The following PACS1 variants were observed in gnomAD, a reference collection of about 807,000 sequenced individuals.
PACS1 encodes the protein PACS-1.
PACS1 carries 24 observed loss-of-function variants against 115.0 expected under a neutral mutation model. The observed-to-expected ratio is 0.21, with a 90% CI of 0.15 to 0.29. PACS1 has a LOEUF of 0.29. Ranked by LOEUF, PACS1 falls within the 10% of genes least tolerant of loss-of-function variation. The pLI, the probability that PACS1 is intolerant of heterozygous loss-of-function variation, is 1.00. For missense variants in PACS1, 838 were observed against 1,251.2 expected (o/e 0.67, Z 4.98); for synonymous variants, 453 against 504.5 (o/e 0.90, Z 1.37).
chr11:66,169,242 A>G (rs1221950986), intron 1 of PACS1, among the ~76,000 whole-genome samples: 1 of 150,756 alleles, frequency 6.6e-6, no homozygotes, highest in East Asian at 1.9e-4. Flanking sequence ...AGGACTTATC[A>G]TAAATGGATG....
At chr11:66,090,746 C>G (rs1750574044) in intron 1 of PACS1, among the ~76,000 whole-genome samples, 5 of 152,160 alleles carry the variant, frequency 3.3e-5, no homozygotes, top group African/African-American at 1.2e-4. Flanking sequence ...AAGATAGAAT[C>G]ACTAAAGAGT....
chr11:66,175,928 C>T (rs908855128), intron 1 of PACS1, among the ~76,000 whole-genome samples: 6 of 152,204 alleles, frequency 3.9e-5, no homozygotes, highest in Admixed American at 2.0e-4. Flanking sequence ...TCAGTGACCA[C>T]ATTCCAGGTT....
At chr11:66,231,070 T>G (rs1002859099) in intron 13 of PACS1, 130 bp downstream of exon 13, 19 of 1,191,828 alleles carry the variant, frequency 1.6e-5, no homozygotes, top group Non-Finnish European at 2.3e-5. Context: ...GAACAAAAAC[T>G]CTTGAAGAAA....
At chr11:66,190,482 A>G (rs1013622036) in intron 1 of PACS1, among the ~76,000 whole-genome samples, 2 of 151,940 alleles carry the variant, frequency 1.3e-5, no homozygotes, top group South Asian at 2.1e-4. Context: ...CTGGAGTGCA[A>G]TGGCGCAATC....
At chr11:66,205,231 C>T (rs183337868) in intron 2 of PACS1, among the ~76,000 whole-genome samples, 3,141 of 152,136 alleles carry the variant, frequency 0.021, 123 homozygotes, top group African/African-American at 0.07. Flanking sequence ...GTGATCTGCC[C>T]GCCTCAGCGT....
intron 10 of PACS1, among the ~76,000 whole-genome samples, chr11:66,222,381 C>G (rs1038785823): frequency 2.0e-5 from 3 of 152,088 alleles, no homozygotes; most frequent in African/African-American, 7.2e-5. Flanking sequence ...GAAAAGGGGG[C>G]ATGTACTGTA....
intron 1 of PACS1, among the ~76,000 whole-genome samples, chr11:66,191,079 C>T (rs1470233181): frequency 6.6e-6 from 1 of 152,210 alleles, no homozygotes; most frequent in African/African-American, 2.4e-5. Context: ...CACTGGGCAG[C>T]ACGGAAGGTG....
intron 1 of PACS1, among the ~76,000 whole-genome samples, chr11:66,192,508 T>A (rs1414337529): frequency 2.0e-5 from 3 of 152,154 alleles, no homozygotes; most frequent in Non-Finnish European, 4.4e-5. Flanking sequence ...TTAGTGTGGC[T>A]GGAGCTGAGG....
rs1211068063 is a variant in PACS1 at position 66,241,496 on chromosome 11, G to A, written c.2499G>A (p.Glu833=). The A allele has an allele frequency of 3.1e-6, 5 of 1,613,686 alleles. No homozygotes were observed. Among genetic ancestry groups the A allele is most frequent in the South Asian group, 1.1e-5 (1 of 90,996 alleles). ...ACTACTGGCTGGGCCACCCCGGGGA[G>A]CGGAGGAGGGAAGGCGACAAGAGGG... ...QVDYWLGHPG[E]RRREGDKRDA... The change falls in exon 22 of 24, where the codon GAG becomes GAA. Residue 833 remains glutamate, a synonymous_variant. Transcript: ENST00000320580.
chr11:66,211,353 C>T, intron 4 of PACS1, 94 bp downstream of exon 4: 1 of 1,357,204 alleles, frequency 7.4e-7, no homozygotes, highest in East Asian at 2.4e-5. Flanking sequence ...AGATGATTTT[C>T]CCAGCCTGCT....
intron 1 of PACS1, among the ~76,000 whole-genome samples, chr11:66,184,571 C>G (rs1860079563): frequency 6.6e-6 from 1 of 152,204 alleles, no homozygotes; most frequent in African/African-American, 2.4e-5. Flanking sequence ...ATCAAGTAGA[C>G]AGCCTTATTC....
intron 1 of PACS1, among the ~76,000 whole-genome samples, chr11:66,127,639 T>C (rs1226423383): frequency 6.6e-6 from 1 of 152,218 alleles, no homozygotes; most frequent in Non-Finnish European, 1.5e-5. Flanking sequence ...TGGGCAGAAC[T>C]GTGTGTATTT....
chr11:66,230,299 C>T, intron 11 of PACS1: 1 of 518,282 alleles, frequency 1.9e-6, no homozygotes, highest in Admixed American at 3.3e-5. Context: ...CTTGTGCCAG[C>T]AGGTCGTTTG....
chr11:66,110,291 TA>T (rs537967979), intron 1 of PACS1, among the ~76,000 whole-genome samples: 4,029 of 150,716 alleles, frequency 0.027, 167 homozygotes, highest in African/African-American at 0.092. Flanking sequence ...TCTCCTGATT[TA>T]AAAAAAAAAA....
intron 21 of PACS1, chr11:66,241,070 G>T: frequency 6.2e-6 from 1 of 161,188 alleles, no homozygotes; most frequent in Non-Finnish European, 1.4e-5. Flanking sequence ...TTGCCTGCTG[G>T]GCGTGTATGT....
At chr11:66,111,985 A>G (rs1362860888) in intron 1 of PACS1, among the ~76,000 whole-genome samples, 5 of 152,088 alleles carry the variant, frequency 3.3e-5, no homozygotes, top group African/African-American at 1.2e-4. Flanking sequence ...GTAGTCCCTC[A>G]GCAGGAGCTA....
In PACS1 at chr11:66,236,599, T is replaced by C. The variant is rs1214601271; in HGVS notation, c.2250+659T>C. On this transcript the variant is annotated intron_variant, in intron 19 of 23. Coordinates refer to ENST00000320580, the MANE Select transcript of PACS1 (RefSeq NM_018026.4). This position sits in a 1 kb window ranked among gnomAD's most constrained non-coding sequence, Gnocchi z 4.2. Reference sequence around the variant, plus strand: ...AGGTGCATTGCCGGCTGTCTGTTCATCAGCAGCTGGGCCACAGGCTCAGCC... The same window carrying C: ...AGGTGCATTGCCGGCTGTCTGTTCACCAGCAGCTGGGCCACAGGCTCAGCC... Among the ~76,000 whole-genome samples the C allele has an allele frequency of 2.0e-5, 3 of 152,154 alleles. No individual in the cohort carries two copies. The highest frequency in any genetic ancestry group is 2.9e-5 in the Non-Finnish European group (2 of 68,030).
intron 1 of PACS1, among the ~76,000 whole-genome samples, chr11:66,090,268 TTTC>T (rs1309761071): frequency 7.2e-6 from 1 of 139,524 alleles, no homozygotes; most frequent in Admixed American, 7.2e-5. Context: ...TCTTCTTTCC[TTTC>T]TTTTTTTTTT....
intron 1 of PACS1, among the ~76,000 whole-genome samples, chr11:66,150,995 G>A (rs1477544361): frequency 2.0e-5 from 3 of 152,104 alleles, no homozygotes; most frequent in African/African-American, 7.2e-5. Flanking sequence ...AAGAAGAGAA[G>A]TCAGGGATGG....
Sources: gnomAD v4.1 joint callset for allele counts (sites outside exome capture counted in the v4.1 genomes callset) on GRCh38, gnomAD v4.1.1 for gene constraint, Gnocchi (gnomAD v3.1) non-coding constraint, MANE v1.5 for transcripts, NCBI Gene and HGNC (gene_info 2026-07-23, HGNC 2026-07-21) for gene names.